COL6A3: variants seen among roughly 807,000 people sequenced by gnomAD.
COL6A3 encodes collagen alpha-3(VI) chain.
Under a neutral mutation model 274.1 loss-of-function variants are expected in COL6A3, and 137 were observed. The observed-to-expected ratio is 0.50, with a 90% confidence interval of 0.44 to 0.58. The LOEUF (loss-of-function observed/expected upper bound fraction) is 0.58, where lower values mean the gene tolerates loss of function less well. Ranked by LOEUF, COL6A3 falls within the 20% of genes least tolerant of loss-of-function variation. The pLI, the probability that COL6A3 is intolerant of heterozygous loss-of-function variation, is 0.00. For synonymous variants in COL6A3, 1,650 were observed against 1,650.6 expected, an observed-to-expected ratio of 1.00 and a Z score of 0.01; for missense variants, 3,950 against 4,124.9, an observed-to-expected ratio of 0.96 and a Z score of 1.16.
chr2:237,327,732 A>T (rs1426121076), intron 42 of COL6A3: 1 of 152,192 alleles, frequency 6.6e-6, no homozygotes, highest in Non-Finnish European at 1.5e-5. Context: ...GTTCTTAAGA[A>T]GGCTTCTAAT....
intron 26 of COL6A3, 114 bp from the exon 27 acceptor site, chr2:237,351,306 C>A: frequency 3.4e-6 from 3 of 894,296 alleles, no homozygotes; most frequent in Non-Finnish European, 5.6e-6. Context: ...GGGCATGGAA[C>A]CTGTCCCACC....
chr2:237,358,972 C>A, intron 20 of COL6A3, 63 bp downstream of exon 20: 2 of 1,571,474 alleles, frequency 1.3e-6, no homozygotes, highest in Non-Finnish European at 1.8e-6. Context: ...AAGAAAATAA[C>A]TATTCCCTAA....
rs146546544 is a variant in COL6A3, at chr2:237,363,348, G to A, written c.5968C>T (p.Arg1990Trp). ...VGLERVVNLERLMHLEFGRGF... is the reference protein window; with the variant it reads ...VGLERVVNLEWLMHLEFGRGF... ...CGCCCAAACTCCAGATGCATTAGCC[G>A]CTCCAAGTTGACCACTCGTTCAAGG... Residue 1990 changes from arginine (R) to tryptophan (W), a missense_variant, in exon 14 of 44, where the codon CGG (arginine) becomes TGG (tryptophan). This residue lies in a region of COL6A3 where 632 missense variants were observed against 623.4 expected (regional missense o/e 1.01). Coordinates refer to ENST00000295550, the MANE Select transcript of COL6A3 (RefSeq NM_004369.4). 5.5e-4 allele frequency: 883 copies of A among 1,614,044 alleles called. 9 individuals are homozygous for A. The South Asian group carries it at 8.0e-3, about 15-fold the overall frequency.
Position 237,371,762 on chromosome 2 carries a change from GCTT to G in COL6A3, c.4252_4254del (p.Lys1418del), listed in dbSNP as rs886043395. ...GGTGGATAGCGAGTGCTGGCTAAGA[GCTT>G]CTGGATCTGCTCTGAGGTCAGGGTC... is the stretch of plus-strand genomic sequence containing the variant. On this transcript the variant is annotated inframe_deletion, in exon 9 of 44. Transcript: ENST00000295550. This position sits in a 1 kb window ranked among gnomAD's most constrained non-coding sequence, Gnocchi z 4.3. 1.5e-5 allele frequency: 24 copies of G among 1,608,710 alleles called. No homozygotes were observed. The highest frequency in any genetic ancestry group is 2.7e-5 in the African/African-American group (2 of 74,766).
chr2:237,412,392 G>A (rs2078878967), intron 1 of COL6A3, among the ~76,000 whole-genome samples: 1 of 152,236 alleles, frequency 6.6e-6, no homozygotes, highest in Admixed American at 6.5e-5. Flanking sequence ...CGAGATGTGA[G>A]TTATTTGGGA....
At position 237,347,869 on chromosome 2, in the gene COL6A3, C is replaced by G; in HGVS notation, c.6967G>C (p.Gly2323Arg). The stretch of plus-strand genomic sequence containing the variant: ...TTTAGCCCAGGTTCACCTGGGTTAC[C>G]CTGGGAAGAAAGCCGAGAAGTGGCA... ...RGFPGYPGPK[G>R]NPGEPGLNGT... The change falls in exon 31 of 44, where the codon GGT becomes CGT. Residue 2323 changes from glycine (G) to arginine (R), a missense_variant and splice_region_variant. Physicochemically the swap from Gly to Arg is moderately radical, Grantham distance 125. Around this residue, in one of 5 missense-constraint regions of COL6A3, gnomAD observed 1,284 missense variants for 1,349.7 expected, o/e 0.95. Coordinates refer to ENST00000295550, the MANE Select transcript of COL6A3 (RefSeq NM_004369.4). The G allele has an allele frequency of 6.2e-7, 1 of 1,609,452 alleles. No homozygotes were observed. The highest frequency in any genetic ancestry group is 8.5e-7 in the Non-Finnish European group (1 of 1,177,694).
Position 237,405,403 on chromosome 2 carries a change from T to C in COL6A3, c.-31+8550A>G, listed in dbSNP as rs974998998. ...GCAAATTTTGGAGAACTTTTTCATT[T>C]AGATTATTAAAAGATGTCAAACACC... On this transcript the variant is annotated intron_variant, in intron 1 of 43. Coordinates refer to ENST00000295550, the MANE Select transcript of COL6A3 (RefSeq NM_004369.4). Among the ~76,000 whole-genome samples the C allele has an allele frequency of 1.1e-4, 17 of 152,244 alleles. 1 individual carries two copies. Among genetic ancestry groups the C allele is most frequent in the African/African-American group, 3.6e-4 (15 of 41,570 alleles).
At chr2:237,365,567 G>C in intron 12 of COL6A3, 131 bp downstream of exon 12, 3 of 834,968 alleles carry the variant, frequency 3.6e-6, no homozygotes, top group Non-Finnish European at 6.1e-6. Context: ...AATAACTAAG[G>C]GATTTTCCAT....
At chr2:237,382,170 T>A (rs2078023270) in intron 4 of COL6A3, among the ~76,000 whole-genome samples, 1 of 151,860 alleles carries the variant, frequency 6.6e-6, no homozygotes, top group Admixed American at 6.6e-5. Flanking sequence ...ATCATCTGAG[T>A]TCAGGAGCTC....
intron 1 of COL6A3, among the ~76,000 whole-genome samples, chr2:237,398,386 C>T (rs2078506265): frequency 6.6e-6 from 1 of 152,180 alleles, no homozygotes; most frequent in Admixed American, 6.5e-5. Context: ...CTTTCCCCTG[C>T]CAACACCTTT....
intron 23 of COL6A3, chr2:237,355,319 T>C: frequency 4.8e-6 from 1 of 209,204 alleles, no homozygotes. Context: ...CCTTCCCAAC[T>C]GTACTGAGAA....
In COL6A3 at chr2:237,325,640, G is replaced by A; in HGVS notation, c.9413C>T (p.Ala3138Val). The A allele has an allele frequency of 6.2e-7, 1 of 1,614,052 alleles. No individual in the cohort carries two copies. The highest frequency in any genetic ancestry group is 8.5e-7 in the Non-Finnish European group (1 of 1,179,970). ...WYYDPNTKSC[A>V]RFWYGGCGGN... Reference sequence around the variant, plus strand: ...ACCACAACCTCCATACCAGAATCTTGCACAGCTTTTGGTGTTTGGATCATA... The same window carrying A: ...ACCACAACCTCCATACCAGAATCTTACACAGCTTTTGGTGTTTGGATCATA... The change falls in exon 43 of 44, where the codon GCA becomes GTA. Residue 3138 changes from alanine to valine, a missense_variant. By Grantham distance (64) the Ala-to-Val change is moderately conservative. Around this residue, in one of 5 missense-constraint regions of COL6A3, gnomAD observed 1,284 missense variants for 1,349.7 expected, o/e 0.95. Coordinates refer to ENST00000295550, the MANE Select transcript of COL6A3 (RefSeq NM_004369.4).
intron 1 of COL6A3, among the ~76,000 whole-genome samples, chr2:237,406,641 TTCTC>T (rs923280843): frequency 1.7e-4 from 26 of 151,276 alleles, no homozygotes; most frequent in African/African-American, 6.3e-4. Context: ...TTCTCACTCT[TTCTC>T]TCTCTTTTTG....
intron 40 of COL6A3, among the ~76,000 whole-genome samples, chr2:237,335,432 C>A (rs116676902): frequency 0.029 from 4,388 of 152,250 alleles, 99 homozygotes; most frequent in Non-Finnish European, 0.046. Flanking sequence ...AGCCATCTAC[C>A]TTTTGTATCT....
intron 1 of COL6A3, among the ~76,000 whole-genome samples, chr2:237,404,921 T>A (rs184563696): frequency 2.0e-5 from 3 of 152,316 alleles, no homozygotes; most frequent in Non-Finnish European, 2.9e-5. Context: ...ATGTAAAGAT[T>A]TTTATTTTCA....
Position 237,373,155 on chromosome 2 carries a change from G to C in COL6A3, c.3680-818C>G, listed in dbSNP as rs115987801. Among the ~76,000 whole-genome samples, 9 of 152,094 alleles carry C rather than the reference G, an allele frequency of 5.9e-5. No individual in the cohort carries two copies. The South Asian group carries it at 8.3e-4, about 14-fold the overall frequency. On this transcript the variant is annotated intron_variant, in intron 8 of 43. Transcript: ENST00000295550. ...GGAAAGAGGGAGGCTGTTCTGGAGC[G>C]CAGGAGAGTGAGTGGGCAAAGAGCC...
In COL6A3 at chr2:237,369,121, T is replaced by C; in HGVS notation, c.4342A>G (p.Arg1448Gly). Residue 1448 changes from arginine to glycine, a missense_variant, in exon 10 of 44, where the codon AGG becomes GGG. Arg to Gly is a moderately radical substitution (Grantham distance 125). This residue lies in a region of COL6A3 where 1,934 missense variants were observed against 1,984.3 expected (regional missense o/e 0.97). Transcript: ENST00000295550. Reference sequence around the variant, plus strand: ...CGAATATGTGCAAAGCCATCTGGCCTAACTCCCTCAGAGCTGTCGATCAGA... The same window carrying C: ...CGAATATGTGCAAAGCCATCTGGCCCAACTCCCTCAGAGCTGTCGATCAGA... Reference protein sequence around the residue: ...VFLIDSSEGVRPDGFAHIRDF... With the variant: ...VFLIDSSEGVGPDGFAHIRDF... The C allele has an allele frequency of 6.2e-7, 1 of 1,614,114 alleles. No homozygotes were observed. Among genetic ancestry groups the C allele is most frequent in the Non-Finnish European group, 8.5e-7 (1 of 1,180,044 alleles).
In COL6A3 at chr2:237,346,836, A is replaced by G. The variant is rs538096396; in HGVS notation, c.7030-271T>C. Among the ~76,000 whole-genome samples the G allele has an allele frequency of 9.2e-5, 14 of 152,220 alleles. No individual in the cohort carries two copies. The South Asian group carries it at 2.7e-3, about 29-fold the overall frequency. Reference sequence around the variant, plus strand: ...AGGTAAGACAGGTGCTTTCCCAAGAACCACTAATATGATTACTAAGGACTC... The same window carrying G: ...AGGTAAGACAGGTGCTTTCCCAAGAGCCACTAATATGATTACTAAGGACTC... On this transcript the variant is annotated intron_variant, in intron 31 of 43. Transcript: ENST00000295550.
intron 1 of COL6A3, among the ~76,000 whole-genome samples, chr2:237,408,185 T>G (rs2078766936): frequency 6.6e-6 from 1 of 151,906 alleles, no homozygotes; most frequent in Admixed American, 6.5e-5. Context: ...AGTTGGAACA[T>G]CTGATAAAAT....
Sources: gnomAD v4.1 joint callset for allele counts (sites outside exome capture counted in the v4.1 genomes callset) on GRCh38, gnomAD v4.1.1 for gene constraint, gnomAD v4.1.1 regional missense constraint, Gnocchi (gnomAD v3.1) non-coding constraint, MANE v1.5 for transcripts, NCBI Gene and HGNC (gene_info 2026-07-23, HGNC 2026-07-21) for gene names.